The following PTPRG variants were observed in gnomAD, a reference collection of about 807,000 sequenced individuals.
The protein encoded by PTPRG is protein tyrosine phosphatase receptor type G, also known as receptor-type tyrosine-protein phosphatase gamma.
A neutral mutation model predicts 165.3 loss-of-function variants in PTPRG; 102 were observed. The observed-to-expected ratio is 0.62, with a 90% confidence interval of 0.53 to 0.73. PTPRG has a LOEUF of 0.73. PTPRG is among the 30% of genes least tolerant of loss of function. PTPRG has a pLI of 0.00. For missense variants in PTPRG, 1,866 were observed against 1,861.4 expected (o/e 1.00, Z -0.05); for synonymous variants, 675 against 669.5 (o/e 1.01, Z -0.13).
intron 2 of PTPRG, among the ~76,000 whole-genome samples, chr3:61,881,041 TG>T (rs1243825614): frequency 2.0e-5 from 3 of 152,056 alleles, no homozygotes; most frequent in African/African-American, 7.2e-5. Context: ...TAATATCATT[TG>T]TGGCCCTGTC....
At chr3:61,708,409 A>G (rs903986178) in intron 1 of PTPRG, among the ~76,000 whole-genome samples, 2 of 127,304 alleles carry the variant, frequency 1.6e-5, no homozygotes, top group African/African-American at 6.1e-5. Context: ...AAAACTTCTT[A>G]TATCTTCCCT....
At chr3:61,833,067 TTGTGTGTGTG>T (rs113069211) in intron 2 of PTPRG, among the ~76,000 whole-genome samples, 8 of 146,792 alleles carry the variant, frequency 5.4e-5, no homozygotes, top group East Asian at 2.0e-4. Context: ...TAGTATTCCA[TTGTGTGTGTG>T]TGTGTGTGTG....
intron 4 of PTPRG, among the ~76,000 whole-genome samples, chr3:62,035,967 A>T (rs564289764): frequency 6.6e-6 from 1 of 152,084 alleles, no homozygotes; most frequent in South Asian, 2.1e-4. Flanking sequence ...GCATTAATTC[A>T]GGGATGTATT....
At chr3:61,797,459 AG>A (rs766807388) in intron 2 of PTPRG, among the ~76,000 whole-genome samples, 1 of 152,136 alleles carries the variant, frequency 6.6e-6, no homozygotes, top group Non-Finnish European at 1.5e-5. Flanking sequence ...GTAATAACTA[AG>A]AAAAAAATGT....
chr3:61,774,024 C>G (rs1374376412), intron 2 of PTPRG, among the ~76,000 whole-genome samples: 1 of 152,176 alleles, frequency 6.6e-6, no homozygotes, highest in African/African-American at 2.4e-5. Context: ...ATCCAACCGC[C>G]TCAGCCTCCC....
At chr3:61,771,408 G>C (rs1229937554) in intron 2 of PTPRG, 1 of 151,370 alleles carries the variant, frequency 6.6e-6, no homozygotes, top group Non-Finnish European at 1.5e-5. Context: ...TTCTATGTAA[G>C]TCAAAAGGCA....
Position 62,128,405 on chromosome 3 carries a change from G to C in PTPRG, c.616-4197G>C, listed in dbSNP as rs140227864. 4.6e-4 allele frequency among the ~76,000 whole-genome samples: 70 copies of C among 152,214 alleles called. No homozygotes were observed. The East Asian group carries it at 0.012, about 26-fold the overall frequency. ...TATTACAAAATTGAGTGGATGTCAAGTAAAACATAAATTTGGATCTTTTGA... is the reference window on the plus strand; with the variant it reads ...TATTACAAAATTGAGTGGATGTCAACTAAAACATAAATTTGGATCTTTTGA... On this transcript the variant is annotated intron_variant, in intron 5 of 29. Coordinates refer to ENST00000474889, the MANE Select transcript of PTPRG (RefSeq NM_002841.4).
At chr3:62,103,706 A>C (rs1702372541) in intron 5 of PTPRG, among the ~76,000 whole-genome samples, 1 of 152,192 alleles carries the variant, frequency 6.6e-6, no homozygotes, top group Non-Finnish European at 1.5e-5. Flanking sequence ...CTGTGTCTGC[A>C]TTTTGATGAC....
intron 1 of PTPRG, among the ~76,000 whole-genome samples, chr3:61,588,611 A>G (rs937621241): frequency 6.6e-6 from 1 of 151,922 alleles, no homozygotes; most frequent in African/African-American, 2.4e-5. Flanking sequence ...ACTCCCTGCT[A>G]ATTTTTTGTA....
At chr3:61,909,948 T>A (rs2038759058) in intron 2 of PTPRG, among the ~76,000 whole-genome samples, 1 of 152,242 alleles carries the variant, frequency 6.6e-6, no homozygotes, top group Admixed American at 6.5e-5. Flanking sequence ...CTTCATGGCA[T>A]ACTGTCCTCC....
intron 1 of PTPRG, among the ~76,000 whole-genome samples, chr3:61,629,175 G>A (rs1701697133): frequency 6.6e-6 from 1 of 152,114 alleles, no homozygotes; most frequent in Admixed American, 6.6e-5. Flanking sequence ...TTTATTTTGA[G>A]ATGGAGTCTT....
chr3:61,649,793 A>C (rs1702300247), intron 1 of PTPRG, among the ~76,000 whole-genome samples: 1 of 152,208 alleles, frequency 6.6e-6, no homozygotes, highest in African/African-American at 2.4e-5. Context: ...ACTGACACTT[A>C]AAGTTTTAGT....
At position 62,157,242 on chromosome 3, in the gene PTPRG, A is replaced by G; in HGVS notation, c.840+18A>G. On this transcript the variant is annotated intron_variant, in intron 7 of 29. Transcript: ENST00000474889. Reference sequence around the variant, plus strand: ...ACCATCAGGTAGATATTCTTCCTCAAGTGGGGTTTCTGTGTTTACTTGTTT... The same window carrying G: ...ACCATCAGGTAGATATTCTTCCTCAGGTGGGGTTTCTGTGTTTACTTGTTT... 1 of 1,608,792 alleles carries G rather than the reference A, an allele frequency of 6.2e-7. No individual in the cohort carries two copies.
In PTPRG at chr3:62,205,993, C is replaced by T. The variant is rs561769935; in HGVS notation, c.2155+2043C>T. ...GTTTTCTATGAAGACAGGTGGTGGA[C>T]TTGGAATTGACTTTCAAGCTTGAGT... On this transcript the variant is annotated intron_variant, in intron 12 of 29. Coordinates refer to ENST00000474889, the MANE Select transcript of PTPRG (RefSeq NM_002841.4). 7.9e-5 allele frequency among the ~76,000 whole-genome samples: 12 copies of T among 152,222 alleles called. No homozygotes were observed. In the South Asian group the frequency reaches 2.5e-3, roughly 32 times the overall value.
At chr3:61,884,694 A>T (rs1162222863) in intron 2 of PTPRG, among the ~76,000 whole-genome samples, 1 of 152,218 alleles carries the variant, frequency 6.6e-6, no homozygotes, top group Non-Finnish European at 1.5e-5. Flanking sequence ...ATGATACTTT[A>T]ACTTTTCTTC....
chr3:61,696,579 C>G (rs1216421973), intron 1 of PTPRG, among the ~76,000 whole-genome samples: 1 of 152,232 alleles, frequency 6.6e-6, no homozygotes, highest in East Asian at 1.9e-4. Context: ...ATAATCCTTT[C>G]TCACTGATGG....
At chr3:61,976,884 A>C (rs1378304775) in intron 2 of PTPRG, among the ~76,000 whole-genome samples, 3 of 152,090 alleles carry the variant, frequency 2.0e-5, no homozygotes, top group Non-Finnish European at 4.4e-5. Flanking sequence ...CCTGTTGGCC[A>C]GCCTGTCCTT....
At chr3:61,749,874 A>T (rs2033362079) in intron 2 of PTPRG, 1 of 152,248 alleles carries the variant, frequency 6.6e-6, no homozygotes, top group Non-Finnish European at 1.5e-5. Flanking sequence ...TGTTGCATAT[A>T]GAACTGAAAG....
chr3:61,616,612 C>G (rs752948387), intron 1 of PTPRG, among the ~76,000 whole-genome samples: 3 of 152,196 alleles, frequency 2.0e-5, no homozygotes, highest in Non-Finnish European at 2.9e-5. Context: ...TATAGACACC[C>G]TCCTCGTCTC....
Sources: allele counts gnomAD v4.1 joint callset (sites outside exome capture counted in the v4.1 genomes callset), GRCh38; gene constraint gnomAD v4.1.1; transcripts MANE v1.5; gene names NCBI Gene and HGNC (gene_info 2026-07-23, HGNC 2026-07-21).